The following LRP1B variants were observed in gnomAD, a reference collection of about 807,000 sequenced individuals.
LRP1B encodes the protein low-density lipoprotein receptor-related protein 1B.
In LRP1B, 217 loss-of-function variants were observed where a neutral mutation model predicts 556.6. That is an observed-to-expected ratio of 0.39 (90% CI 0.35 to 0.44). LRP1B has a LOEUF of 0.44. LRP1B is among the 20% of genes least tolerant of loss of function. The pLI is 1.00. For synonymous variants in LRP1B, 2,047 were observed against 1,865.8 expected (o/e 1.10, Z -2.50); for missense variants, 5,053 against 5,620.8 (o/e 0.90, Z 3.23).
chr2:141,833,652 G>A (rs939112696), intron 1 of LRP1B, among the ~76,000 whole-genome samples: 8 of 151,708 alleles, frequency 5.3e-5, no homozygotes, highest in Non-Finnish European at 1.0e-4. Context: ...AAATTACAAT[G>A]CACATTGCCA....
At chr2:141,216,939 G>A (rs1268891605) in intron 6 of LRP1B, among the ~76,000 whole-genome samples, 1 of 152,096 alleles carries the variant, frequency 6.6e-6, no homozygotes, top group African/African-American at 2.4e-5. Context: ...AACTTGCCTT[G>A]TCTCAGATGA....
chr2:140,329,883 GAAA>G (rs34190948), intron 79 of LRP1B, among the ~76,000 whole-genome samples: 1 of 147,250 alleles, frequency 6.8e-6, no homozygotes, highest in Non-Finnish European at 1.5e-5. Flanking sequence ...CACCAAATTA[GAAA>G]AAAAAACAAA....
At chr2:140,935,764 A>C (rs568372085) in intron 20 of LRP1B, among the ~76,000 whole-genome samples, 1 of 152,080 alleles carries the variant, frequency 6.6e-6, no homozygotes, top group South Asian at 2.1e-4. Context: ...GGCAAGTGAG[A>C]AGATACTCAT....
At chr2:140,409,152 C>T (rs1352393182) in intron 66 of LRP1B, among the ~76,000 whole-genome samples, 1 of 151,852 alleles carries the variant, frequency 6.6e-6, no homozygotes, top group Non-Finnish European at 1.5e-5. Flanking sequence ...TTGGAACTGC[C>T]ATGATGAATT....
At chr2:141,736,998 G>T (rs761606699) in intron 2 of LRP1B, among the ~76,000 whole-genome samples, 2 of 152,094 alleles carry the variant, frequency 1.3e-5, no homozygotes, top group Non-Finnish European at 2.9e-5. Context: ...CATACCAAAG[G>T]CCAGTCTTCT....
chr2:141,753,513 A>G (rs1474791107), intron 2 of LRP1B, among the ~76,000 whole-genome samples: 3 of 151,800 alleles, frequency 2.0e-5, no homozygotes, highest in Non-Finnish European at 4.4e-5. Context: ...TATTAGGCCC[A>G]TAAGAACAGC....
At chr2:141,253,622 A>G (rs1684350651) in intron 4 of LRP1B, among the ~76,000 whole-genome samples, 1 of 152,100 alleles carries the variant, frequency 6.6e-6, no homozygotes, top group Admixed American at 6.6e-5. Context: ...GATTTTAAAC[A>G]ATTATCTCAT....
At chr2:141,465,370 C>A (rs565651578) in intron 3 of LRP1B, among the ~76,000 whole-genome samples, 4 of 151,988 alleles carry the variant, frequency 2.6e-5, no homozygotes, top group Non-Finnish European at 5.9e-5. Context: ...AAGGAAGAAA[C>A]TGGGCAGGAG....
chr2:141,327,709 A>T (rs531931992), intron 3 of LRP1B, among the ~76,000 whole-genome samples: 40 of 152,298 alleles, frequency 2.6e-4, no homozygotes, highest in African/African-American at 9.1e-4. Flanking sequence ...GAATGTTGAA[A>T]GTATAGTCTG....
At chr2:140,402,470 C>A (rs187631970) in intron 66 of LRP1B, among the ~76,000 whole-genome samples, 1 of 152,206 alleles carries the variant, frequency 6.6e-6, no homozygotes, top group South Asian at 2.1e-4. Flanking sequence ...TGCATCCCCA[C>A]AGGAGGAGCA....
At chr2:141,492,429 C>G (rs955041586) in intron 2 of LRP1B, among the ~76,000 whole-genome samples, 1 of 152,062 alleles carries the variant, frequency 6.6e-6, no homozygotes, top group Non-Finnish European at 1.5e-5. Context: ...GACTGTTGGT[C>G]AAATGACACA....
intron 6 of LRP1B, among the ~76,000 whole-genome samples, chr2:141,203,738 GC>G (rs1682145249): frequency 6.6e-6 from 1 of 152,130 alleles, no homozygotes. Flanking sequence ...ATTCTTCTCA[GC>G]ACCTCATCAC....
intron 2 of LRP1B, among the ~76,000 whole-genome samples, chr2:141,712,121 A>G (rs1412174405): frequency 6.6e-6 from 1 of 152,162 alleles, no homozygotes; most frequent in Non-Finnish European, 1.5e-5. Context: ...GTATATAAAT[A>G]GTGTTTATTT....
At chr2:141,598,388 A>T (rs993129252) in intron 2 of LRP1B, among the ~76,000 whole-genome samples, 1 of 152,178 alleles carries the variant, frequency 6.6e-6, no homozygotes, top group African/African-American at 2.4e-5. Flanking sequence ...AAAAGTAAAA[A>T]TAGGTTGATT....
chr2:141,291,831 G>C (rs1306171039), intron 3 of LRP1B, among the ~76,000 whole-genome samples: 2 of 127,038 alleles, frequency 1.6e-5, no homozygotes, highest in African/African-American at 3.2e-5. Context: ...ACTCCAGCCT[G>C]GGCGAAAGAG....
chr2:140,571,247 T>C (rs1332407274), intron 43 of LRP1B, among the ~76,000 whole-genome samples: 2 of 151,790 alleles, frequency 1.3e-5, no homozygotes, highest in African/African-American at 2.4e-5. Context: ...AACATGATCT[T>C]CCATATAGGA....
chr2:141,283,714 G>A (rs1685595553), intron 3 of LRP1B, among the ~76,000 whole-genome samples: 1 of 119,086 alleles, frequency 8.4e-6, no homozygotes, highest in South Asian at 2.6e-4. Flanking sequence ...TCCTGCCTCA[G>A]CCTCCAGACT....
intron 18 of LRP1B, among the ~76,000 whole-genome samples, chr2:140,959,522 T>C (rs1311708799): frequency 6.6e-6 from 1 of 151,638 alleles, no homozygotes; most frequent in African/African-American, 2.4e-5. Context: ...AGTTAATAAT[T>C]AAACAATGAA....
At chr2:140,923,307 T>G (rs190190756) in intron 20 of LRP1B, among the ~76,000 whole-genome samples, 160 bp from the exon 21 acceptor site, 1 of 152,196 alleles carries the variant, frequency 6.6e-6, no homozygotes, top group East Asian at 1.9e-4. Context: ...TTAATAAGTA[T>G]AAATATACTC....
Sources: gnomAD v4.1 joint callset for allele counts (sites outside exome capture counted in the v4.1 genomes callset) on GRCh38, gnomAD v4.1.1 for gene constraint, MANE v1.5 for transcripts, NCBI Gene and HGNC (gene_info 2026-07-23, HGNC 2026-07-21) for gene names.